LDLRAD3: variants seen among roughly 807,000 people sequenced by gnomAD.
The protein encoded by LDLRAD3 is low density lipoprotein receptor class A domain containing 3.
A neutral mutation model predicts 29.4 loss-of-function variants in LDLRAD3; 20 were observed. That is an observed-to-expected ratio of 0.68 (90% CI 0.48 to 0.99). The LOEUF (loss-of-function observed/expected upper bound fraction) is 0.99, where lower values mean the gene tolerates loss of function less well. Ranked by LOEUF, LDLRAD3 falls within the 50% of genes least tolerant of loss-of-function variation. The pLI, the probability that LDLRAD3 is intolerant of heterozygous loss-of-function variation, is 0.00. For synonymous variants in LDLRAD3, 157 were observed against 192.7 expected (o/e 0.81, Z 1.53); for missense variants, 420 against 454.3 (o/e 0.92, Z 0.69).
chr11:36,124,695 T>C (rs1356274834), intron 4 of LDLRAD3, among the ~76,000 whole-genome samples: 1 of 151,786 alleles, frequency 6.6e-6, no homozygotes, highest in Admixed American at 6.6e-5. Context: ...CCTTTCTTTT[T>C]TTTTTTTTTT....
At chr11:36,012,134 A>G (rs552967167) in intron 1 of LDLRAD3, among the ~76,000 whole-genome samples, 3 of 152,290 alleles carry the variant, frequency 2.0e-5, no homozygotes, top group South Asian at 4.1e-4. Flanking sequence ...TTCGGGGGGT[A>G]CATTTCAAGA....
At chr11:36,111,390 G>A (rs557095599) in intron 4 of LDLRAD3, among the ~76,000 whole-genome samples, 5 of 151,976 alleles carry the variant, frequency 3.3e-5, no homozygotes, top group Admixed American at 6.5e-5. Context: ...ACTTACCTGG[G>A]TTATTCAATC....
At chr11:35,945,108 G>A (rs1276512001) in intron 1 of LDLRAD3, among the ~76,000 whole-genome samples, 5 of 152,208 alleles carry the variant, frequency 3.3e-5, no homozygotes, top group Admixed American at 3.3e-4. Flanking sequence ...GAATGTGGGT[G>A]ACAGGGCCCA....
intron 1 of LDLRAD3, among the ~76,000 whole-genome samples, chr11:36,003,610 T>G (rs1851850890): frequency 6.6e-6 from 1 of 152,228 alleles, no homozygotes; most frequent in Non-Finnish European, 1.5e-5. Flanking sequence ...GATCTCCCTT[T>G]GGCTAGAAAG....
intron 4 of LDLRAD3, among the ~76,000 whole-genome samples, chr11:36,168,823 C>G (rs1236545859): frequency 6.6e-6 from 1 of 152,134 alleles, no homozygotes; most frequent in East Asian, 1.9e-4. Context: ...AGAAATCAGA[C>G]TTCCAGATGT....
chr11:36,128,117 CAT>C (rs57687795), intron 4 of LDLRAD3, among the ~76,000 whole-genome samples: 24,212 of 98,814 alleles, frequency 0.25, 4,376 homozygotes, highest in East Asian at 0.62. Flanking sequence ...GTTGTTTTTA[CAT>C]ATATATATAT....
chr11:35,977,856 C>T (rs1851494665), intron 1 of LDLRAD3, among the ~76,000 whole-genome samples: 1 of 152,198 alleles, frequency 6.6e-6, no homozygotes, highest in South Asian at 2.1e-4. Context: ...GACCTAACCA[C>T]CTCCTGAAGG....
At chr11:35,983,976 A>G (rs1281167155) in intron 1 of LDLRAD3, among the ~76,000 whole-genome samples, 2 of 152,184 alleles carry the variant, frequency 1.3e-5, no homozygotes, top group African/African-American at 4.8e-5. Flanking sequence ...GCCAATGACA[A>G]ATGTCCTTAT....
intron 3 of LDLRAD3, among the ~76,000 whole-genome samples, chr11:36,084,636 C>T (rs1172030434): frequency 6.6e-6 from 1 of 152,184 alleles, no homozygotes; most frequent in Non-Finnish European, 1.5e-5. Flanking sequence ...TTGAAGAATA[C>T]CAGCTAATAG....
chr11:36,078,425 G>A (rs549089759), intron 2 of LDLRAD3, among the ~76,000 whole-genome samples: 9 of 152,332 alleles, frequency 5.9e-5, no homozygotes, highest in Admixed American at 2.0e-4. Context: ...GTCCGGAGGC[G>A]GCTGAAGTGG....
At position 36,098,441 on chromosome 11, in the gene LDLRAD3, A is replaced by G. The variant is rs1249953871; in HGVS notation, c.434A>G (p.Glu145Gly). The G allele has an allele frequency of 1.2e-6, 2 of 1,614,128 alleles. No individual in the cohort carries two copies. The highest frequency in any genetic ancestry group is 2.7e-5 in the African/African-American group (2 of 74,946). The change falls in exon 4 of 6, where the codon GAA becomes GGA. Residue 145 changes from glutamate (E) to glycine (G), a missense_variant. Physicochemically the swap from Glu to Gly is moderately conservative, Grantham distance 98 (BLOSUM62 -2). Around this residue, in one of 3 missense-constraint regions of LDLRAD3, gnomAD observed 224 missense variants for 222.2 expected, o/e 1.01. Transcript: ENST00000315571. ...AACTGTCAAGACAACAGTGATGAGG[A>G]AAGCTGTGAAAGTTCTCAAGGTAGG... ...QNNCQDNSDE[E>G]SCESSQEPGS...
intron 2 of LDLRAD3, among the ~76,000 whole-genome samples, chr11:36,041,528 T>A (rs1447204774): frequency 6.6e-6 from 1 of 152,182 alleles, no homozygotes; most frequent in Non-Finnish European, 1.5e-5. Context: ...TCAATAATGG[T>A]TTCTTATAGA....
intron 4 of LDLRAD3, among the ~76,000 whole-genome samples, chr11:36,192,910 A>T (rs1854975873): frequency 6.6e-6 from 1 of 152,182 alleles, no homozygotes; most frequent in Non-Finnish European, 1.5e-5. Flanking sequence ...ACGGAGTTCA[A>T]ATCTGGACCT....
intron 4 of LDLRAD3, among the ~76,000 whole-genome samples, chr11:36,140,996 C>CTCTCTCTCTCTCTG (rs1854075473): frequency 1.1e-5 from 1 of 95,218 alleles, no homozygotes; most frequent in Non-Finnish European, 2.1e-5. Flanking sequence ...TGAGCTTTCT[C>CTCTCTCTCTCTCTG]TCTCTCTCTC....
rs1451102484 is a variant in LDLRAD3 at position 35,944,287 on chromosome 11, C to T, written c.46+143C>T. On this transcript the variant is annotated intron_variant, in intron 1 of 5. Transcript: ENST00000315571. This position sits in a 1 kb window ranked among gnomAD's most constrained non-coding sequence, Gnocchi z 4.9. Reference sequence around the variant, plus strand: ...GAGCGCGGAGGGCGGACCCCGGCGCCGGGCTGGCCCGGACCCTGCCGAGGG... The same window carrying T: ...GAGCGCGGAGGGCGGACCCCGGCGCTGGGCTGGCCCGGACCCTGCCGAGGG... 16 of 369,686 alleles carry T rather than the reference C, an allele frequency of 4.3e-5. No homozygotes were observed. The highest frequency in any genetic ancestry group is 6.0e-5 in the Non-Finnish European group (16 of 266,660). The allele number at this position is 369,686 out of a possible 1,614,324, so 22.9% of individuals were successfully genotyped here.
chr11:36,007,280 T>C (rs1245128657), intron 1 of LDLRAD3, among the ~76,000 whole-genome samples: 1 of 152,246 alleles, frequency 6.6e-6, no homozygotes, highest in Non-Finnish European at 1.5e-5. Flanking sequence ...CCCACCCTGC[T>C]AAATTTATAC....
intron 1 of LDLRAD3, among the ~76,000 whole-genome samples, chr11:35,994,609 A>G (rs1326143289): frequency 2.6e-5 from 4 of 152,158 alleles, no homozygotes; most frequent in East Asian, 1.9e-4. Context: ...TAAGATTACA[A>G]TGAAGTTTAC....
chr11:36,133,194 C>T (rs1452023919), intron 4 of LDLRAD3, among the ~76,000 whole-genome samples: 1 of 65,092 alleles, frequency 1.5e-5, no homozygotes, highest in Non-Finnish European at 3.2e-5. Flanking sequence ...TCCATTTGTC[C>T]ATTTTCTTTT....
intron 3 of LDLRAD3, among the ~76,000 whole-genome samples, chr11:36,082,111 A>G (rs553496693): frequency 5.9e-5 from 9 of 152,350 alleles, no homozygotes; most frequent in East Asian, 1.9e-4. Flanking sequence ...CACATAGCTC[A>G]TAAGAAGCAG....
Sources: gnomAD v4.1 joint callset for allele counts (sites outside exome capture counted in the v4.1 genomes callset) on GRCh38, gnomAD v4.1.1 for gene constraint, gnomAD v4.1.1 regional missense constraint, Gnocchi (gnomAD v3.1) non-coding constraint, MANE v1.5 for transcripts, NCBI Gene and HGNC (gene_info 2026-07-23, HGNC 2026-07-21) for gene names.